Variants in ZNF793 observed in about 807,000 individuals in gnomAD.
ZNF793 encodes zinc finger protein 793.
A neutral mutation model predicts 12.4 loss-of-function variants in ZNF793; 5 were observed. The ratio of observed to expected loss-of-function variants is 0.40; its 90% confidence interval spans 0.21 to 0.84. ZNF793 has a LOEUF of 0.84. ZNF793 is among the 40% of genes least tolerant of loss of function. The pLI is 0.35. For synonymous variants in ZNF793, 162 were observed against 172.4 expected, an observed-to-expected ratio of 0.94 and a Z score of 0.47; for missense variants, 456 against 495.0, an observed-to-expected ratio of 0.92 and a Z score of 0.75.
At chr19:37,509,892 T>A (rs1396039023) in intron 2 of ZNF793, among the ~76,000 whole-genome samples, 1 of 152,188 alleles carries the variant, frequency 6.6e-6, no homozygotes, top group African/African-American at 2.4e-5. Context: ...TGCCAGAGGT[T>A]CCCTAGCTTC....
intron 2 of ZNF793, among the ~76,000 whole-genome samples, chr19:37,513,302 C>T (rs752146545): frequency 3.3e-5 from 5 of 152,194 alleles, no homozygotes; most frequent in African/African-American, 7.2e-5. Flanking sequence ...TCAATTACTT[C>T]TAATTATGGT....
Position 37,537,802 on chromosome 19 carries a change from C to G in ZNF793, c.1144C>G (p.Leu382Val). The change falls in exon 8 of 8, where the codon CTC becomes GTC. Residue 382 changes from leucine (L) to valine (V), a missense_variant. Leu to Val is a conservative substitution (Grantham distance 32). Transcript: ENST00000627814. Reference protein sequence around the residue: ...CGKAFYQKPNLSRHQKIHARK... With the variant: ...CGKAFYQKPNVSRHQKIHARK... ...GAAAGCTTTCTACCAGAAGCCAAACCTCAGCAGACATCAGAAAATTCATGC... is the reference window on the plus strand; with the variant it reads ...GAAAGCTTTCTACCAGAAGCCAAACGTCAGCAGACATCAGAAAATTCATGC... 1.9e-6 allele frequency: 3 copies of G among 1,613,840 alleles called. No individual in the cohort carries two copies. Among genetic ancestry groups the G allele is most frequent in the Non-Finnish European group, 2.5e-6 (3 of 1,179,810 alleles).
intron 2 of ZNF793, among the ~76,000 whole-genome samples, chr19:37,511,672 A>G (rs1303288907): frequency 6.6e-6 from 1 of 152,222 alleles, no homozygotes; most frequent in African/African-American, 2.4e-5. Context: ...CTCTGTCTCA[A>G]AAAAATAAAA....
rs908397946 is a variant in ZNF793, at chr19:37,539,929, C to T, written c.*2050C>T. On this transcript the variant is annotated 3_prime_UTR_variant, in exon 8 of 8. Coordinates refer to ENST00000627814, the MANE Select transcript of ZNF793 (RefSeq NM_001013659.3). ...TGTAATACAATCCATGAACTGTACT[C>T]ATTTATTTTATTAAGTCAGAATAAA... is the stretch of plus-strand genomic sequence containing the variant. The T allele has an allele frequency of 4.6e-5, 7 of 152,114 alleles. No homozygotes were observed. Among genetic ancestry groups the T allele is most frequent in the African/African-American group, 1.4e-4 (6 of 41,408 alleles). 9.4% of individuals were successfully genotyped at this position (152,114 alleles called of 1,614,324 possible).
intron 2 of ZNF793, among the ~76,000 whole-genome samples, chr19:37,518,514 C>G (rs1307134602): frequency 6.6e-6 from 1 of 151,288 alleles, no homozygotes; most frequent in African/African-American, 2.4e-5. Context: ...CTGGGACAGG[C>G]TAGGTGTGGT....
chr19:37,531,458 T>A (rs1386177418), intron 5 of ZNF793: 1 of 154,100 alleles, frequency 6.5e-6, no homozygotes, highest in East Asian at 1.9e-4. Context: ...TGAGCCACTG[T>A]GCCCGGCCCT....
At chr19:37,529,004 GTTCCTCATGGT>G (rs1478563747) in intron 5 of ZNF793, among the ~76,000 whole-genome samples, 2 of 152,168 alleles carry the variant, frequency 1.3e-5, no homozygotes, top group Admixed American at 1.3e-4. Flanking sequence ...CCTCCTCTTT[GTTCCTCATGGT>G]TTCCTCATCT....
chr19:37,516,903 C>T (rs766567513), intron 2 of ZNF793, among the ~76,000 whole-genome samples: 3 of 151,888 alleles, frequency 2.0e-5, no homozygotes, highest in Non-Finnish European at 4.4e-5. Context: ...ACCTCGGCCT[C>T]CCAAAATGCT....
At chr19:37,533,588 C>T (rs748472871) in intron 7 of ZNF793, 185 bp downstream of exon 7, 1 of 589,186 alleles carries the variant, frequency 1.7e-6, no homozygotes, top group Non-Finnish European at 3.0e-6. Flanking sequence ...TACTTGATTG[C>T]ACCTCTGCCC....
At chr19:37,530,800 A>G (rs145642384) in intron 5 of ZNF793, among the ~76,000 whole-genome samples, 87 of 152,296 alleles carry the variant, frequency 5.7e-4, no homozygotes, top group African/African-American at 1.9e-3. Flanking sequence ...TATAATCTTT[A>G]TTAAATTACA....
chr19:37,537,083 G>A lies in ZNF793; in HGVS notation c.425G>A (p.Cys142Tyr), dbSNP rs1425658313. The change falls in exon 8 of 8, where the codon TGT becomes TAT. Residue 142 changes from cysteine to tyrosine, a missense_variant. Transcript: ENST00000627814. ...CAGAGCCCTAGTAACTGGAACCCTT[G>A]TGGAAAGAATTTGAACCATAATTTA... is the stretch of plus-strand genomic sequence containing the variant. ...SIQSPSNWNPCGKNLNHNLDL... is the reference protein window; with the variant it reads ...SIQSPSNWNPYGKNLNHNLDL... 4 of 1,613,690 alleles carry A rather than the reference G, an allele frequency of 2.5e-6. No individual in the cohort carries two copies. In the Admixed American group the frequency reaches 6.7e-5, roughly 27 times the overall value.
intron 4 of ZNF793, 125 bp from the exon 5 acceptor site, chr19:37,523,285 C>G: frequency 1.3e-6 from 1 of 771,246 alleles, no homozygotes; most frequent in East Asian, 2.6e-5. Flanking sequence ...CCACACCCAG[C>G]TAAAAGCATG....
Position 37,537,727 on chromosome 19 carries a change from C to T in ZNF793, c.1069C>T (p.His357Tyr), listed in dbSNP as rs761931337. ...SFSQKSCLNK[H>Y]WRTHTGEKPY... ...CAGCCAGAAGTCATGCCTCAATAAACATTGGAGAACTCACACAGGAGAGAA... is the reference window on the plus strand; with the variant it reads ...CAGCCAGAAGTCATGCCTCAATAAATATTGGAGAACTCACACAGGAGAGAA... The change falls in exon 8 of 8, where the codon CAT becomes TAT. Residue 357 changes from histidine to tyrosine, a missense_variant. His to Tyr is a moderately conservative substitution (Grantham distance 83). Coordinates refer to ENST00000627814, the MANE Select transcript of ZNF793 (RefSeq NM_001013659.3). 2 of 1,614,086 alleles carry T rather than the reference C, an allele frequency of 1.2e-6. No individual in the cohort carries two copies. Among genetic ancestry groups the T allele is most frequent in the Non-Finnish European group, 1.7e-6 (2 of 1,179,986 alleles).
intron 3 of ZNF793, among the ~76,000 whole-genome samples, chr19:37,521,601 G>A (rs982088727): frequency 6.6e-6 from 1 of 151,402 alleles, no homozygotes; most frequent in East Asian, 2.0e-4. Context: ...GCTTCACCAC[G>A]CCTGGCTAAT....
At chr19:37,536,416 T>C (rs1368550647) in intron 7 of ZNF793, 10 of 399,484 alleles carry the variant, frequency 2.5e-5, no homozygotes, top group Non-Finnish European at 4.4e-5. Context: ...ACCCACATGC[T>C]GGATAGCAAG....
intron 5 of ZNF793, among the ~76,000 whole-genome samples, chr19:37,528,632 G>A (rs540852991): frequency 6.6e-6 from 1 of 152,244 alleles, no homozygotes; most frequent in South Asian, 2.1e-4. Flanking sequence ...TTCCTAGGCT[G>A]GTACCCATGG....
At chr19:37,522,447 C>T (rs2042383564) in intron 3 of ZNF793, 85 bp from the exon 4 acceptor site, 1 of 152,276 alleles carries the variant, frequency 6.6e-6, no homozygotes, top group African/African-American at 2.4e-5. Flanking sequence ...ATGTACCCAC[C>T]TCGGCCTCCC....
rs559473426 is a variant in ZNF793, at chr19:37,512,191, T to C, written c.-276+3788T>C. Among the ~76,000 whole-genome samples the C allele has an allele frequency of 2.0e-5, 3 of 152,248 alleles. No individual in the cohort carries two copies. The East Asian group carries it at 5.8e-4, about 29-fold the overall frequency. ...ATAAGAGATTATTGTTTTGTTTTGG[T>C]TTTGATTTTAAATAATTTCAGATTT... On this transcript the variant is annotated intron_variant, in intron 2 of 7. Transcript: ENST00000627814.
intron 7 of ZNF793, chr19:37,535,708 GA>G (rs981326206): frequency 7.2e-5 from 11 of 152,016 alleles, no homozygotes; most frequent in African/African-American, 2.7e-4. Flanking sequence ...ATTTTTAGTA[GA>G]GACTGGGTTT....
Sources: allele counts gnomAD v4.1 joint callset (sites outside exome capture counted in the v4.1 genomes callset), GRCh38; gene constraint gnomAD v4.1.1; transcripts MANE v1.5; gene names NCBI Gene and HGNC (gene_info 2026-07-23, HGNC 2026-07-21).